ZDHHC21: variants seen among roughly 807,000 people sequenced by gnomAD.
The protein encoded by ZDHHC21 is zDHHC palmitoyltransferase 21, also known as palmitoyltransferase ZDHHC21.
A neutral mutation model predicts 34.6 loss-of-function variants in ZDHHC21; 15 were observed. The observed-to-expected ratio is 0.43, with a 90% CI of 0.29 to 0.67. ZDHHC21 has a LOEUF of 0.67. ZDHHC21 is among the 30% of genes least tolerant of loss of function. ZDHHC21 has a pLI of 0.14. For missense variants in ZDHHC21, 344 were observed against 327.7 expected, an observed-to-expected ratio of 1.05 and a Z score of -0.38; for synonymous variants, 142 against 101.8, an observed-to-expected ratio of 1.40 and a Z score of -2.38.
chr9:14,606,225 A>G (rs1199264654), downstream of ZDHHC21, among the ~76,000 whole-genome samples: 2 of 152,200 alleles, frequency 1.3e-5, no homozygotes, highest in African/African-American at 2.4e-5. Flanking sequence ...CACTCTTCCC[A>G]TGAAATGGAA....
downstream of ZDHHC21, among the ~76,000 whole-genome samples, chr9:14,607,051 A>G (rs953476255): frequency 2.7e-5 from 4 of 149,874 alleles, no homozygotes; most frequent in Non-Finnish European, 4.4e-5. Context: ...TTTCTGCACA[A>G]GACTGTCCTC....
At chr9:14,630,002 C>T (rs998282330) in intron 8 of ZDHHC21, among the ~76,000 whole-genome samples, 2 of 152,120 alleles carry the variant, frequency 1.3e-5, no homozygotes, top group Non-Finnish European at 1.5e-5. Context: ...GCCGAGATCA[C>T]GCCACTGCAC....
the ZDHHC21 span, among the ~76,000 whole-genome samples, chr9:14,591,510 G>C: frequency 6.6e-6 from 1 of 152,118 alleles, no homozygotes; most frequent in East Asian, 1.9e-4. Flanking sequence ...TCCAGTCGCA[G>C]GTATTTTGTG....
At chr9:14,651,064 G>A (rs1006005215) in intron 7 of ZDHHC21, among the ~76,000 whole-genome samples, 15 of 151,846 alleles carry the variant, frequency 9.9e-5, no homozygotes, top group African/African-American at 3.1e-4. Flanking sequence ...GACAGTAATA[G>A]CCACAAATTA....
chr9:14,654,559 G>A (rs909289982), intron 7 of ZDHHC21, among the ~76,000 whole-genome samples: 6 of 151,812 alleles, frequency 4.0e-5, no homozygotes, highest in African/African-American at 1.5e-4. Context: ...GACCCACAAG[G>A]GGATCTCAAA....
intron 5 of ZDHHC21, among the ~76,000 whole-genome samples, chr9:14,671,857 T>G (rs1220989325): frequency 6.6e-6 from 1 of 152,122 alleles, no homozygotes; most frequent in Non-Finnish European, 1.5e-5. Context: ...TTGAATAAAA[T>G]TTCATAAAAT....
At chr9:14,688,161 A>G (rs1838633357) in intron 2 of ZDHHC21, among the ~76,000 whole-genome samples, 1 of 151,008 alleles carries the variant, frequency 6.6e-6, no homozygotes, top group Admixed American at 6.6e-5. Context: ...ATTATGACAT[A>G]GTCTCTTATT....
At chr9:14,687,123 G>T (rs2131676759) in intron 2 of ZDHHC21, among the ~76,000 whole-genome samples, 1 of 150,972 alleles carries the variant, frequency 6.6e-6, no homozygotes, top group South Asian at 2.1e-4. Flanking sequence ...CTAAGTCTAT[G>T]ACTTGAGAGT....
Position 14,616,510 on chromosome 9 carries a change from C to T in ZDHHC21, c.*2456G>A, listed in dbSNP as rs1378244660. On this transcript the variant is annotated 3_prime_UTR_variant, in exon 10 of 10. Coordinates refer to ENST00000380916, the MANE Select transcript of ZDHHC21 (RefSeq NM_178566.6). ...TTGATATGTTCAGAATGTGGCTATA[C>T]TATTTACTTATGGGGCAGTAAATCT... 1 of 151,702 alleles carries T rather than the reference C, an allele frequency of 6.6e-6. No individual in the cohort carries two copies. Among genetic ancestry groups the T allele is most frequent in the African/African-American group, 2.4e-5 (1 of 41,354 alleles). 9.4% of individuals were successfully genotyped at this position (151,702 alleles called of 1,614,324 possible). A position where few individuals can be genotyped will look rare whatever the true frequency, so the allele number is the denominator to read the frequency against.
intron 7 of ZDHHC21, among the ~76,000 whole-genome samples, chr9:14,655,027 A>C (rs574426703): frequency 2.2e-4 from 33 of 152,144 alleles, no homozygotes; most frequent in African/African-American, 7.7e-4. Flanking sequence ...TCCAACAGAA[A>C]AAAGTGCAAA....
At chr9:14,609,240 G>A (rs1429784580), downstream of ZDHHC21, among the ~76,000 whole-genome samples, 1 of 152,062 alleles carries the variant, frequency 6.6e-6, no homozygotes, top group Non-Finnish European at 1.5e-5. Flanking sequence ...TTGACAAAAT[G>A]GAAGTACACA....
At chr9:14,688,593 G>T (rs1359771028) in intron 2 of ZDHHC21, among the ~76,000 whole-genome samples, 1 of 151,982 alleles carries the variant, frequency 6.6e-6, no homozygotes, top group Non-Finnish European at 1.5e-5. Context: ...CAGGCACAGT[G>T]GCTCATGCCT....
chr9:14,594,370 C>G, the ZDHHC21 span, among the ~76,000 whole-genome samples: 2 of 152,114 alleles, frequency 1.3e-5, no homozygotes, highest in African/African-American at 2.4e-5. Flanking sequence ...ATAAGAACAA[C>G]AGAACATAAT....
intron 7 of ZDHHC21, among the ~76,000 whole-genome samples, chr9:14,650,501 A>G (rs567218477): frequency 1.3e-5 from 2 of 152,112 alleles, no homozygotes; most frequent in Admixed American, 6.6e-5. Flanking sequence ...ATGACCTTCT[A>G]GATATTAAGA....
intron 5 of ZDHHC21, among the ~76,000 whole-genome samples, chr9:14,671,462 T>A (rs191827968): frequency 6.6e-6 from 1 of 152,104 alleles, no homozygotes; most frequent in Non-Finnish European, 1.5e-5. Context: ...TCAGTAAGTC[T>A]CTCACAGATC....
At position 14,615,887 on chromosome 9, in the gene ZDHHC21, C is replaced by T. The variant is rs1412264517; in HGVS notation, c.*3079G>A. On this transcript the variant is annotated 3_prime_UTR_variant, in exon 10 of 10. Coordinates refer to ENST00000380916, the MANE Select transcript of ZDHHC21 (RefSeq NM_178566.6). ...AATGTTTATAAAGAAATACTTCAGT[C>T]CAACATACATATTACATCAGTAATC... 2 of 151,698 alleles carry T rather than the reference C, an allele frequency of 1.3e-5. No individual in the cohort carries two copies. Among genetic ancestry groups the T allele is most frequent in the South Asian group, 2.1e-4 (1 of 4,832 alleles). 9.4% of individuals were successfully genotyped at this position (151,698 alleles called of 1,614,324 possible).
chr9:14,689,120 G>C (rs750959575), intron 2 of ZDHHC21, among the ~76,000 whole-genome samples: 22 of 152,162 alleles, frequency 1.4e-4, no homozygotes, highest in Non-Finnish European at 2.9e-4. Flanking sequence ...CTGTGAACTA[G>C]TCAAAAAAAC....
chr9:14,662,846 T>TA (rs894890560), intron 5 of ZDHHC21, among the ~76,000 whole-genome samples: 45 of 152,278 alleles, frequency 3.0e-4, no homozygotes, highest in African/African-American at 1.0e-3. Flanking sequence ...CATTTAATTT[T>TA]AAAAAACATC....
intron 7 of ZDHHC21, among the ~76,000 whole-genome samples, chr9:14,644,984 G>C (rs996145322): frequency 2.0e-5 from 3 of 151,982 alleles, no homozygotes; most frequent in African/African-American, 7.3e-5. Flanking sequence ...ATGTATTCTC[G>C]ACAGGGCAAG....
Sources: allele counts gnomAD v4.1 joint callset (sites outside exome capture counted in the v4.1 genomes callset), GRCh38; gene constraint gnomAD v4.1.1; transcripts MANE v1.5; gene names NCBI Gene and HGNC (gene_info 2026-07-23, HGNC 2026-07-21).